FGD5: variants seen among roughly 807,000 people sequenced by gnomAD.
FGD5 encodes FYVE, RhoGEF and PH domain containing 5.
FGD5 carries 28 observed loss-of-function variants against 133.4 expected under a neutral mutation model. The observed-to-expected ratio is 0.21, with a 90% CI of 0.16 to 0.29. The LOEUF is 0.29. Among genes scored for constraint, FGD5 ranks in the 10% least tolerant of loss-of-function variants. The probability of loss-of-function intolerance (pLI) is 1.00; values close to 1 mark genes in which losing one functional copy is unlikely to be tolerated. For synonymous variants in FGD5, 810 were observed against 776.5 expected, an observed-to-expected ratio of 1.04 and a Z score of -0.72; for missense variants, 1,858 against 1,895.2, an observed-to-expected ratio of 0.98 and a Z score of 0.36.
At chr3:14,842,191 C>T (rs953207392) in intron 1 of FGD5, among the ~76,000 whole-genome samples, 1 of 152,250 alleles carries the variant, frequency 6.6e-6, no homozygotes, top group Non-Finnish European at 1.5e-5. Context: ...AACCTCAGAC[C>T]TCAGGACCAC....
At chr3:14,923,373 C>T (rs920496453) in intron 16 of FGD5, 198 bp downstream of exon 16, 2 of 707,534 alleles carry the variant, frequency 2.8e-6, no homozygotes, top group African/African-American at 3.6e-5. Context: ...TCGGTGTCCC[C>T]AGAAGAAGAG....
intron 7 of FGD5, among the ~76,000 whole-genome samples, chr3:14,899,878 A>G (rs971848346): frequency 6.6e-6 from 1 of 152,236 alleles, no homozygotes; most frequent in Non-Finnish European, 1.5e-5. Context: ...CATGAGCCAT[A>G]TGAAGATCTG....
At chr3:14,897,767 T>C in intron 5 of FGD5, 98 bp downstream of exon 5, 1 of 1,465,754 alleles carries the variant, frequency 6.8e-7, no homozygotes, top group Admixed American at 2.5e-5. Context: ...TCCATTTGAT[T>C]GATGGGAAAG....
chr3:14,911,500 C>CTCCTGCATTTCTGCTTTCATTCCTTGT lies in FGD5; in HGVS notation c.3405+577_3405+603dup, dbSNP rs1173811305. ...TCTGCTGGGCACAGTTTTTCTCTTG[C>CTCCTGCATTTCTGCTTTCATTCCTTGT]TCCTGCATTTCTGCTTTCATTCCTT... On this transcript the variant is annotated intron_variant, in intron 11 of 19. Transcript: ENST00000285046. 2.6e-5 allele frequency among the ~76,000 whole-genome samples: 4 copies of CTCCTGCATTTCTGCTTTCATTCCTTGT among 152,176 alleles called. No homozygotes were observed. In the East Asian group the frequency reaches 7.7e-4, roughly 29 times the overall value.
At chr3:14,882,049 C>T (rs564352758) in intron 4 of FGD5, among the ~76,000 whole-genome samples, 1 of 152,340 alleles carries the variant, frequency 6.6e-6, no homozygotes, top group South Asian at 2.1e-4. Context: ...GTCTGGTGCT[C>T]TCGGCCCCTC....
At chr3:14,873,708 A>G (rs2037656373) in intron 2 of FGD5, among the ~76,000 whole-genome samples, 2 of 151,700 alleles carry the variant, frequency 1.3e-5, no homozygotes, top group African/African-American at 4.8e-5. Context: ...AAGAACGTTT[A>G]ACGTAAGAGC....
upstream of FGD5, chr3:14,810,723 C>A: frequency 3.6e-6 from 3 of 841,900 alleles, no homozygotes; most frequent in Non-Finnish European, 4.3e-6. Context: ...CGAGGCGCGC[C>A]GGGGCCGGGC....
Position 14,820,289 on chromosome 3 carries a change from G to C in FGD5, c.1218G>C (p.Glu406Asp). 1 of 1,605,148 alleles carries C rather than the reference G, an allele frequency of 6.2e-7. No homozygotes were observed. Among genetic ancestry groups the C allele is most frequent in the Non-Finnish European group, 8.5e-7 (1 of 1,175,300 alleles). Residue 406 changes from glutamate (E) to aspartate (D), a missense_variant, in exon 1 of 20, where the codon GAG (glutamate) becomes GAC (aspartate). By Grantham distance (45) the Glu-to-Asp change is conservative (BLOSUM62 2). Around this residue, in one of 3 missense-constraint regions of FGD5, gnomAD observed 1,824 missense variants for 1,848.9 expected, o/e 0.99. Coordinates refer to ENST00000285046, the MANE Select transcript of FGD5 (RefSeq NM_152536.4). ...QCGSLQGGAA[E>D]GPAAPDVVVV... ...GCTCCCTACAGGGTGGAGCGGCCGA[G>C]GGTCCCGCAGCCCCTGATGTGGTGG...
chr3:14,885,574 G>T (rs1317554823), intron 4 of FGD5, among the ~76,000 whole-genome samples: 1 of 152,220 alleles, frequency 6.6e-6, no homozygotes, highest in Non-Finnish European at 1.5e-5. Flanking sequence ...GTTGAGGCTG[G>T]CTGTTGTCCG....
In FGD5 at chr3:14,819,329, C is replaced by T. The variant is rs912619595; in HGVS notation, c.258C>T (p.Asn86=). 1 of 1,541,978 alleles carries T rather than the reference C, an allele frequency of 6.5e-7. No individual in the cohort carries two copies. The highest frequency in any genetic ancestry group is 8.8e-7 in the Non-Finnish European group (1 of 1,142,316). ...DEPKDEGSVG[N]KALVSPESSA... is the part of the protein sequence containing the mutation. ...CCAAGGACGAGGGCAGTGTGGGGAA[C>T]AAAGCCCTGGTGTCTCCCGAGTCCT... The change falls in exon 1 of 20, where the codon AAC becomes AAT. Residue 86 remains asparagine, a synonymous_variant. Coordinates refer to ENST00000285046, the MANE Select transcript of FGD5 (RefSeq NM_152536.4). This position sits in a 1 kb window ranked among gnomAD's most constrained non-coding sequence, Gnocchi z 4.1.
At chr3:14,844,887 C>T (rs1346153206) in intron 1 of FGD5, among the ~76,000 whole-genome samples, 1 of 152,158 alleles carries the variant, frequency 6.6e-6, no homozygotes, top group Non-Finnish European at 1.5e-5. Flanking sequence ...CTCATCTCTC[C>T]TCTTAACTAA....
intron 1 of FGD5, among the ~76,000 whole-genome samples, chr3:14,846,551 C>T (rs1000181028): frequency 9.9e-5 from 15 of 152,220 alleles, no homozygotes; most frequent in African/African-American, 3.6e-4. Flanking sequence ...CGGCCACAGG[C>T]CTCAGAAACT....
intron 4 of FGD5, among the ~76,000 whole-genome samples, chr3:14,887,536 C>A (rs567285701): frequency 6.6e-6 from 1 of 151,884 alleles, no homozygotes; most frequent in East Asian, 1.9e-4. Context: ...CATAGCAAGA[C>A]CCTGTCCCTA....
At chr3:14,833,917 G>C (rs2036765929) in intron 1 of FGD5, among the ~76,000 whole-genome samples, 1 of 152,118 alleles carries the variant, frequency 6.6e-6, no homozygotes, top group South Asian at 2.1e-4. Flanking sequence ...TCAAGGGCCT[G>C]GCCAGGTAGA....
intron 16 of FGD5, 95 bp from the exon 17 acceptor site, chr3:14,923,904 CCATGGCTCA>C (rs1463188755): frequency 7.1e-7 from 1 of 1,417,110 alleles, no homozygotes; most frequent in African/African-American, 1.4e-5. Context: ...CACTTAACCC[CCATGGCTCA>C]CATTCCTAGA....
intron 1 of FGD5, among the ~76,000 whole-genome samples, chr3:14,831,263 A>T (rs1457972899): frequency 6.6e-6 from 1 of 152,180 alleles, no homozygotes; most frequent in Non-Finnish European, 1.5e-5. Context: ...CTTGAAAGAG[A>T]TGCCATTGGA....
intron 13 of FGD5, among the ~76,000 whole-genome samples, chr3:14,920,745 C>T (rs1421042039): frequency 6.6e-6 from 1 of 152,214 alleles, no homozygotes; most frequent in Non-Finnish European, 1.5e-5. Context: ...GCGGCTCCTT[C>T]CATGCATAGG....
intron 1 of FGD5, among the ~76,000 whole-genome samples, chr3:14,855,500 C>CA: frequency 6.6e-6 from 1 of 152,294 alleles, no homozygotes; most frequent in East Asian, 1.9e-4. Context: ...CCCTTTTCTC[C>CA]ACATCCTTGC....
chr3:14,874,742 T>TTCTGCAAA (rs2037683623), intron 2 of FGD5, among the ~76,000 whole-genome samples: 1 of 152,196 alleles, frequency 6.6e-6, no homozygotes, highest in African/African-American at 2.4e-5. Context: ...AGCATGCTGC[T>TTCTGCAAA]TCTGCAAATT....
Sources: allele counts gnomAD v4.1 joint callset (sites outside exome capture counted in the v4.1 genomes callset), GRCh38; gene constraint gnomAD v4.1.1; regional missense constraint gnomAD v4.1.1; non-coding constraint Gnocchi (gnomAD v3.1); transcripts MANE v1.5; gene names NCBI Gene and HGNC (gene_info 2026-07-23, HGNC 2026-07-21).